DACH1: variants seen among roughly 807,000 people sequenced by gnomAD.
DACH1 encodes dachshund family transcription factor 1.
DACH1 carries 12 observed loss-of-function variants against 54.2 expected under a neutral mutation model. The ratio of observed to expected loss-of-function variants is 0.22; its 90% CI spans 0.14 to 0.36. The LOEUF is 0.36. DACH1 is among the 10% of genes least tolerant of loss of function. The pLI is 1.00. For missense variants in DACH1, 805 were observed against 929.8 expected, an observed-to-expected ratio of 0.87 and a Z score of 1.75; for synonymous variants, 386 against 366.2, an observed-to-expected ratio of 1.05 and a Z score of -0.62.
intron 3 of DACH1, among the ~76,000 whole-genome samples, chr13:71,621,597 G>A (rs752371366): frequency 6.6e-6 from 1 of 151,988 alleles, no homozygotes; most frequent in Non-Finnish European, 1.5e-5. Context: ...GAAATCTTTT[G>A]TGCAACATAG....
At position 71,781,499 on chromosome 13, in the gene DACH1, C is replaced by A. The variant is rs1446669142; in HGVS notation, c.848+84423G>T. On this transcript the variant is annotated intron_variant, in intron 1 of 10. Coordinates refer to ENST00000613252, the MANE Select transcript of DACH1 (RefSeq NM_080759.6). ...GTTCATGCCATTCTCCTGCCTCAGC[C>A]TCCCAAGTAGCTGAGACTACAGGCA... is the stretch of plus-strand genomic sequence containing the variant. Among the ~76,000 whole-genome samples, 3 of 152,002 alleles carry A rather than the reference C, an allele frequency of 2.0e-5. No individual in the cohort carries two copies. The East Asian group carries it at 5.9e-4, about 30-fold the overall frequency.
chr13:71,723,408 T>C (rs1381891609), intron 1 of DACH1, among the ~76,000 whole-genome samples: 1 of 152,150 alleles, frequency 6.6e-6, no homozygotes, highest in African/African-American at 2.4e-5. Context: ...AGTGAGATCC[T>C]ATCTAAAAAA....
intron 1 of DACH1, among the ~76,000 whole-genome samples, chr13:71,719,284 T>C (rs144265045): frequency 6.6e-6 from 1 of 152,306 alleles, no homozygotes; most frequent in African/African-American, 2.4e-5. Context: ...CTTTGAAAGG[T>C]TGTCTTTGAC....
chr13:71,583,269 A>G (rs2138439086), intron 3 of DACH1, among the ~76,000 whole-genome samples: 1 of 152,326 alleles, frequency 6.6e-6, no homozygotes, highest in South Asian at 2.1e-4. Flanking sequence ...ACAACAACTC[A>G]GGATGGCATT....
At chr13:71,485,438 C>T (rs886517258) in intron 7 of DACH1, among the ~76,000 whole-genome samples, 1 of 149,602 alleles carries the variant, frequency 6.7e-6, no homozygotes, top group Non-Finnish European at 1.5e-5. Flanking sequence ...AATCTGGTGC[C>T]CAATTTTTTA....
chr13:71,740,532 T>C (rs537030310), intron 1 of DACH1, among the ~76,000 whole-genome samples: 1 of 152,236 alleles, frequency 6.6e-6, no homozygotes, highest in African/African-American at 2.4e-5. Context: ...CAGTAATATA[T>C]TGATTTATTT....
chr13:71,461,662 T>G (rs1412185178), intron 10 of DACH1, among the ~76,000 whole-genome samples: 3 of 151,936 alleles, frequency 2.0e-5, no homozygotes, highest in Non-Finnish European at 4.4e-5. Flanking sequence ...TATCTTACAT[T>G]TCTCATTAGT....
chr13:71,738,926 G>T (rs1474541961), intron 1 of DACH1, among the ~76,000 whole-genome samples: 1 of 151,608 alleles, frequency 6.6e-6, no homozygotes, highest in South Asian at 2.1e-4. Flanking sequence ...GTCTACATTG[G>T]ACACAGGAAG....
intron 1 of DACH1, among the ~76,000 whole-genome samples, chr13:71,767,057 CCA>C (rs1281545148): frequency 6.6e-6 from 1 of 151,900 alleles, no homozygotes; most frequent in African/African-American, 2.4e-5. Context: ...CATTTTTTCC[CCA>C]GTGACAGAGT....
At chr13:71,726,324 G>C (rs1379763647) in intron 1 of DACH1, among the ~76,000 whole-genome samples, 1 of 152,068 alleles carries the variant, frequency 6.6e-6, no homozygotes, top group African/African-American at 2.4e-5. Flanking sequence ...TTCCATGTCT[G>C]AGATTTAAAA....
In DACH1 at chr13:71,580,742, C is replaced by T. The variant is rs575231584; in HGVS notation, c.1127-7730G>A. On this transcript the variant is annotated intron_variant, in intron 3 of 10. Transcript: ENST00000613252. ...GGTTAGCCTCAAAGAAGGACATCAC[C>T]GGCGAGTTTTATAAGCCAGGAACCT... Among the ~76,000 whole-genome samples the T allele has an allele frequency of 8.5e-5, 13 of 152,182 alleles. No individual in the cohort carries two copies. In the South Asian group the frequency reaches 1.2e-3, roughly 15 times the overall value.
At chr13:71,478,906 A>T (rs1319214789) in intron 8 of DACH1, among the ~76,000 whole-genome samples, 2 of 152,176 alleles carry the variant, frequency 1.3e-5, no homozygotes, top group Non-Finnish European at 2.9e-5. Context: ...AAGAACATGA[A>T]TTTTTAAACT....
At chr13:71,732,689 T>C (rs1883805858) in intron 1 of DACH1, among the ~76,000 whole-genome samples, 1 of 151,566 alleles carries the variant, frequency 6.6e-6, no homozygotes. Context: ...TATTTGTAAA[T>C]ACAGTTTTAT....
intron 2 of DACH1, among the ~76,000 whole-genome samples, chr13:71,672,757 A>G (rs191091993): frequency 6.6e-6 from 1 of 152,296 alleles, no homozygotes; most frequent in East Asian, 1.9e-4. Flanking sequence ...ATAGCGAGCA[A>G]TAAAAGACAA....
intron 3 of DACH1, among the ~76,000 whole-genome samples, chr13:71,604,229 A>G (rs1046025373): frequency 2.6e-5 from 4 of 151,984 alleles, no homozygotes; most frequent in African/African-American, 9.7e-5. Context: ...TTTTTCATTT[A>G]TCTCATACTT....
At chr13:71,444,852 C>T (rs1874307358) in intron 10 of DACH1, among the ~76,000 whole-genome samples, 1 of 152,010 alleles carries the variant, frequency 6.6e-6, no homozygotes, top group Admixed American at 6.6e-5. Flanking sequence ...CCTGTCTATT[C>T]TACAGCACGC....
At chr13:71,828,332 A>G (rs1031879702) in intron 1 of DACH1, among the ~76,000 whole-genome samples, 7 of 151,930 alleles carry the variant, frequency 4.6e-5, no homozygotes, top group Admixed American at 2.6e-4. Context: ...GAGTGATAAG[A>G]TCTGTGTCTG....
intron 10 of DACH1, among the ~76,000 whole-genome samples, chr13:71,471,803 C>A (rs149022007): frequency 1.3e-5 from 2 of 151,778 alleles, no homozygotes; most frequent in Non-Finnish European, 2.9e-5. Context: ...AAAGTAGATG[C>A]TGTTGCCTAA....
At chr13:71,790,385 C>A (rs1359855482) in intron 1 of DACH1, among the ~76,000 whole-genome samples, 1 of 152,248 alleles carries the variant, frequency 6.6e-6, no homozygotes, top group East Asian at 1.9e-4. Context: ...TCCTTAGGGT[C>A]AAGAATTATA....
Sources: allele counts gnomAD v4.1 joint callset (sites outside exome capture counted in the v4.1 genomes callset), GRCh38; gene constraint gnomAD v4.1.1; transcripts MANE v1.5; gene names NCBI Gene and HGNC (gene_info 2026-07-23, HGNC 2026-07-21).